The following AGBL1 variants were observed in gnomAD, a reference collection of about 807,000 sequenced individuals.
AGBL1 encodes AGBL carboxypeptidase 1.
AGBL1 carries 130 observed loss-of-function variants against 118.9 expected under a neutral mutation model. The ratio of observed to expected loss-of-function variants is 1.09; its 90% CI spans 0.95 to 1.26. The LOEUF (loss-of-function observed/expected upper bound fraction) is 1.26, where lower values mean the gene tolerates loss of function less well. Ranked by LOEUF, AGBL1 falls within the 50% of genes most tolerant of loss-of-function variation. AGBL1 has a pLI of 0.00. For synonymous variants in AGBL1, 555 were observed against 478.9 expected (o/e 1.16, Z -2.08); for missense variants, 1,584 against 1,298.1 (o/e 1.22, Z -3.38).
rs2080404173 is a variant in AGBL1 at position 86,915,238 on chromosome 15, C to A, written c.*7944C>A. 6.6e-6 allele frequency: 1 copy of A among 152,208 alleles called. No individual in the cohort carries two copies. Among genetic ancestry groups the A allele is most frequent in the South Asian group, 2.1e-4 (1 of 4,820 alleles). 9.4% of individuals were successfully genotyped at this position (152,208 alleles called of 1,614,324 possible). ...TGTGCTTCCTTTCCAACCCTTTCAT[C>A]CCTGTGCAGCCTGATAGTATTAGGA... is the stretch of plus-strand genomic sequence containing the variant. On this transcript the variant is annotated 3_prime_UTR_variant, in exon 23 of 23. Coordinates refer to ENST00000614907, the MANE Select transcript of AGBL1 (RefSeq NM_001386094.1).
At chr15:86,884,870 T>C (rs1472383797) in intron 22 of AGBL1, among the ~76,000 whole-genome samples, 1 of 152,144 alleles carries the variant, frequency 6.6e-6, no homozygotes, top group Non-Finnish European at 1.5e-5. Flanking sequence ...TTATTTAAAG[T>C]GTCTCACAAA....
chr15:87,030,479 T>C (rs1241748043), downstream of AGBL1, among the ~76,000 whole-genome samples: 1 of 151,990 alleles, frequency 6.6e-6, no homozygotes, highest in Admixed American at 6.6e-5. Flanking sequence ...TTACAACTCT[T>C]TGCTTGACCA....
intron 13 of AGBL1, among the ~76,000 whole-genome samples, chr15:86,268,340 T>C (rs1163422829): frequency 6.6e-6 from 1 of 152,164 alleles, no homozygotes; most frequent in African/African-American, 2.4e-5. Flanking sequence ...CTTTGTGTTG[T>C]TGGCTTAGTT....
rs201598476 is a variant in AGBL1 at position 86,131,442 on chromosome 15, A to AT, written c.52-10554dup. On this transcript the variant is annotated intron_variant, in intron 1 of 22. Coordinates refer to ENST00000614907, the MANE Select transcript of AGBL1 (RefSeq NM_001386094.1). The stretch of plus-strand genomic sequence containing the variant: ...TAATTTGGCTATTTTACAATGTCCT[A>AT]TTTTTTTTAAACTTGCTATATTTCA... Among the ~76,000 whole-genome samples the AT allele has an allele frequency of 2.9e-3, 443 of 152,056 alleles. 5 individuals are homozygous for AT. The East Asian group carries it at 0.032, about 11-fold the overall frequency.
At chr15:86,672,451 A>G (rs1171393345) in intron 21 of AGBL1, among the ~76,000 whole-genome samples, 1 of 152,164 alleles carries the variant, frequency 6.6e-6, no homozygotes, top group African/African-American at 2.4e-5. Context: ...ACCTCTACAG[A>G]GCACCTGTTA....
chr15:86,877,194 T>C lies in AGBL1; in HGVS notation c.3159-29893T>C, dbSNP rs1044575850. 6.0e-4 allele frequency among the ~76,000 whole-genome samples: 92 copies of C among 152,140 alleles called. 6 individuals are homozygous for C. Among genetic ancestry groups the C allele is most frequent in the Non-Finnish European group, 2.9e-5 (2 of 68,010 alleles). On this transcript the variant is annotated intron_variant, in intron 22 of 22. Coordinates refer to ENST00000614907, the MANE Select transcript of AGBL1 (RefSeq NM_001386094.1). ...ACTCTTCCTGTGCTCACTGAGATCT[T>C]GTCTAGCTCATTCTTCTGCAGGCAT...
intron 23 of AGBL1, among the ~76,000 whole-genome samples, chr15:86,942,599 C>T (rs2080767356): frequency 6.6e-6 from 1 of 152,126 alleles, no homozygotes; most frequent in African/African-American, 2.4e-5. Flanking sequence ...TTTTTTCCCT[C>T]ACACCTCTCT....
At chr15:86,535,957 C>CT (rs1230096236) in intron 19 of AGBL1, among the ~76,000 whole-genome samples, 1 of 152,064 alleles carries the variant, frequency 6.6e-6, no homozygotes, top group Non-Finnish European at 1.5e-5. Flanking sequence ...TAGAATTTCC[C>CT]TTTTTTTACA....
At chr15:86,343,908 C>T (rs1052049482) in intron 17 of AGBL1, among the ~76,000 whole-genome samples, 4 of 152,202 alleles carry the variant, frequency 2.6e-5, no homozygotes, top group African/African-American at 7.2e-5. Context: ...CTGCCTTTCC[C>T]CTTCCTCAAA....
chr15:86,660,446 C>T (rs965708457), intron 21 of AGBL1, among the ~76,000 whole-genome samples: 1 of 152,142 alleles, frequency 6.6e-6, no homozygotes, highest in African/African-American at 2.4e-5. Flanking sequence ...GTATCATCCT[C>T]TCTTCAAATC....
chr15:86,918,611 T>C (rs372661340), downstream of AGBL1, among the ~76,000 whole-genome samples: 8 of 152,334 alleles, frequency 5.3e-5, no homozygotes, highest in East Asian at 9.6e-4. Flanking sequence ...AAGGCCTGTT[T>C]TCTCCCCCAC....
At chr15:86,507,120 T>G (rs12443065) in intron 18 of AGBL1, among the ~76,000 whole-genome samples, 1 of 151,822 alleles carries the variant, frequency 6.6e-6, no homozygotes, top group Admixed American at 6.6e-5. Context: ...AAGCTACTAA[T>G]GATAAAGCCC....
intron 21 of AGBL1, among the ~76,000 whole-genome samples, chr15:86,595,310 T>A (rs768486460): frequency 5.4e-4 from 82 of 152,302 alleles, no homozygotes; most frequent in Non-Finnish European, 1.1e-3. Flanking sequence ...CTTTAACTCA[T>A]CATGTTCCAC....
intron 18 of AGBL1, among the ~76,000 whole-genome samples, chr15:86,472,318 T>C (rs1223941840): frequency 6.6e-6 from 1 of 152,130 alleles, no homozygotes; most frequent in African/African-American, 2.4e-5. Context: ...CTGGTTAAGG[T>C]TCAGGCATTT....
intron 22 of AGBL1, among the ~76,000 whole-genome samples, chr15:86,843,275 G>A (rs761835028): frequency 2.6e-5 from 4 of 152,088 alleles, no homozygotes; most frequent in African/African-American, 4.8e-5. Flanking sequence ...TGTAGAGAGA[G>A]TCATGGATGT....
At chr15:86,751,523 C>T (rs1467445056) in intron 22 of AGBL1, among the ~76,000 whole-genome samples, 4 of 152,034 alleles carry the variant, frequency 2.6e-5, no homozygotes, top group Admixed American at 6.6e-5. Flanking sequence ...CAAAAACTGA[C>T]AAATGGGATC....
intron 21 of AGBL1, among the ~76,000 whole-genome samples, chr15:86,656,913 A>G (rs1435308449): frequency 6.6e-6 from 1 of 152,192 alleles, no homozygotes; most frequent in Non-Finnish European, 1.5e-5. Flanking sequence ...AGTAGTTTTC[A>G]TGTCACAGAT....
chr15:86,723,034 G>A (rs1567140797), intron 22 of AGBL1, among the ~76,000 whole-genome samples: 3 of 152,176 alleles, frequency 2.0e-5, no homozygotes, highest in Non-Finnish European at 4.4e-5. Context: ...GGAGAAATAG[G>A]AACACTTTTA....
intron 21 of AGBL1, among the ~76,000 whole-genome samples, chr15:86,666,176 G>T (rs1336688814): frequency 6.6e-6 from 1 of 152,066 alleles, no homozygotes; most frequent in Non-Finnish European, 1.5e-5. Flanking sequence ...CCTGGGCCTT[G>T]CTTTCCCAGA....
Sources: gnomAD v4.1 joint callset for allele counts (sites outside exome capture counted in the v4.1 genomes callset) on GRCh38, gnomAD v4.1.1 for gene constraint, MANE v1.5 for transcripts, NCBI Gene and HGNC (gene_info 2026-07-23, HGNC 2026-07-21) for gene names.